XNDC1N: variants seen among roughly 807,000 people sequenced by gnomAD.
XNDC1N encodes the protein protein XNDC1N.
the XNDC1N span, among the ~76,000 whole-genome samples, chr11:71,919,931 T>TC: frequency 3.9e-4 from 19 of 49,072 alleles, no homozygotes; most frequent in East Asian, 5.7e-4. Context: ...GCAGGCCTCT[T>TC]TTTTTTTTTT....
At chr11:71,868,298 C>T in the XNDC1N span, among the ~76,000 whole-genome samples, 1 of 152,110 alleles carries the variant, frequency 6.6e-6, no homozygotes, top group East Asian at 1.9e-4. Context: ...GTTAATATTG[C>T]TATGTGTGGA....
At chr11:71,876,579 G>A in the XNDC1N span, among the ~76,000 whole-genome samples, 12 of 152,142 alleles carry the variant, frequency 7.9e-5, no homozygotes, top group African/African-American at 2.4e-4. Flanking sequence ...ACATAATTGC[G>A]ATTTTTGCCA....
chr11:71,873,045 C>G, the XNDC1N span, among the ~76,000 whole-genome samples: 1 of 151,974 alleles, frequency 6.6e-6, no homozygotes, highest in Non-Finnish European at 1.5e-5. Flanking sequence ...ATGAATCTTC[C>G]CATAAACTAC....
chr11:71,883,315 G>A, the XNDC1N span, among the ~76,000 whole-genome samples: 2 of 152,090 alleles, frequency 1.3e-5, no homozygotes, highest in Non-Finnish European at 2.9e-5. Context: ...AAAGCTAGGG[G>A]CATCACATTT....
chr11:71,915,955 TTG>T, the XNDC1N span: 24,687 of 468,776 alleles, frequency 0.053, no homozygotes, highest in South Asian at 0.078. Flanking sequence ...ATACTTGTAT[TTG>T]TGTGTGTGTG....
the XNDC1N span, among the ~76,000 whole-genome samples, chr11:71,887,762 C>T: frequency 2.7e-4 from 41 of 152,328 alleles, no homozygotes; most frequent in Non-Finnish European, 4.3e-4. Context: ...ACAGGATTTG[C>T]GCTTGCTTCA....
At chr11:71,883,148 T>C in the XNDC1N span, among the ~76,000 whole-genome samples, 1 of 152,170 alleles carries the variant, frequency 6.6e-6, no homozygotes, top group Non-Finnish European at 1.5e-5. Context: ...GACATAATAA[T>C]ATTAAAATAT....
At chr11:71,928,381 C>A in the XNDC1N span, 2 of 681,766 alleles carry the variant, frequency 2.9e-6, no homozygotes, top group Non-Finnish European at 5.3e-6. Context: ...CCGTGGACCT[C>A]GAGGAGCCAC....
the XNDC1N span, among the ~76,000 whole-genome samples, chr11:71,910,151 A>G: frequency 6.6e-6 from 1 of 152,164 alleles, no homozygotes; most frequent in Non-Finnish European, 1.5e-5. Context: ...GTCAGTCTCC[A>G]TGGAACACTC....
the XNDC1N span, among the ~76,000 whole-genome samples, chr11:71,874,026 C>A: frequency 2.0e-5 from 3 of 152,096 alleles, no homozygotes; most frequent in African/African-American, 4.8e-5. Flanking sequence ...ATTTAAGACA[C>A]ATTTTAGGCC....
the XNDC1N span, among the ~76,000 whole-genome samples, chr11:71,912,384 C>G: frequency 3.3e-5 from 5 of 152,052 alleles, no homozygotes; most frequent in Non-Finnish European, 5.9e-5. Context: ...GGTGTAGACA[C>G]CCTGAGACAT....
chr11:71,914,387 G>A, the XNDC1N span: 1 of 455,992 alleles, frequency 2.2e-6, no homozygotes, highest in African/African-American at 2.0e-5. Flanking sequence ...AGATGTGACA[G>A]AAATAGTATG....
the XNDC1N span, chr11:71,893,460 A>T: frequency 2.8e-6 from 2 of 724,284 alleles, no homozygotes; most frequent in Non-Finnish European, 5.1e-6. Context: ...GGTGTCCAAG[A>T]CACACAGAGC....
the XNDC1N span, among the ~76,000 whole-genome samples, chr11:71,892,601 A>G: frequency 6.6e-6 from 1 of 152,238 alleles, no homozygotes; most frequent in Non-Finnish European, 1.5e-5. Context: ...ATGGTGTCCA[A>G]TCTCTGCCTT....
chr11:71,888,511 A>G, the XNDC1N span, among the ~76,000 whole-genome samples: 1 of 152,168 alleles, frequency 6.6e-6, no homozygotes, highest in African/African-American at 2.4e-5. Context: ...TACCCGATCT[A>G]ACAAAGCCTT....
At chr11:71,866,890 G>T in the XNDC1N span, among the ~76,000 whole-genome samples, 1 of 152,020 alleles carries the variant, frequency 6.6e-6, no homozygotes, top group Non-Finnish European at 1.5e-5. Context: ...TGATATGATC[G>T]AGACAATAGA....
At chr11:71,928,003 G>T in the XNDC1N span, 3 of 159,862 alleles carry the variant, frequency 1.9e-5, no homozygotes, top group South Asian at 1.5e-4. Flanking sequence ...TGTGAGCTGG[G>T]GCTACAGGCT....
the XNDC1N span, among the ~76,000 whole-genome samples, chr11:71,902,314 C>T: frequency 6.6e-6 from 1 of 152,226 alleles, no homozygotes; most frequent in Admixed American, 6.5e-5. Flanking sequence ...GCCTCAGCCT[C>T]CCGAGTAGCT....
the XNDC1N span, among the ~76,000 whole-genome samples, chr11:71,888,612 C>G: frequency 6.6e-6 from 1 of 152,216 alleles, no homozygotes; most frequent in Admixed American, 6.5e-5. Context: ...GCCTACCTCT[C>G]TCAACAACTA....
Sources: allele counts gnomAD v4.1 joint callset (sites outside exome capture counted in the v4.1 genomes callset), GRCh38; gene constraint gnomAD v4.1.1; transcripts MANE v1.5; gene names NCBI Gene and HGNC (gene_info 2026-07-23, HGNC 2026-07-21).